GABRR3: variants seen among roughly 807,000 people sequenced by gnomAD.
GABRR3 encodes the protein gamma-aminobutyric acid receptor subunit rho-3.
A neutral mutation model predicts 43.2 loss-of-function variants in GABRR3; 29 were observed. That is an observed-to-expected ratio of 0.67 (90% CI 0.50 to 0.92). The LOEUF is 0.92. Among genes scored for constraint, GABRR3 ranks in the 40% least tolerant of loss-of-function variants. The probability of loss-of-function intolerance (pLI) is 0.00; values close to 1 mark genes in which losing one functional copy is unlikely to be tolerated. For synonymous variants in GABRR3, 206 were observed against 195.9 expected (o/e 1.05, Z -0.43); for missense variants, 576 against 572.3 (o/e 1.01, Z -0.07).
At chr3:98,022,268 C>G (rs958667001) in intron 3 of GABRR3, among the ~76,000 whole-genome samples, 1 of 152,118 alleles carries the variant, frequency 6.6e-6, no homozygotes. Flanking sequence ...ATTTATAACC[C>G]AAGTTAAACA....
At chr3:97,985,846 T>TAC (rs1706378509), downstream of GABRR3, among the ~76,000 whole-genome samples, 1 of 11,798 alleles carries the variant, frequency 8.5e-5, no homozygotes, top group Non-Finnish European at 2.4e-3. Flanking sequence ...AACAATATTT[T>TAC]ATATATATAT....
intron 2 of GABRR3, among the ~76,000 whole-genome samples, chr3:98,027,040 C>G (rs1342475773): frequency 6.6e-6 from 1 of 152,070 alleles, no homozygotes; most frequent in Non-Finnish European, 1.5e-5. Context: ...ACATGTTAAG[C>G]CATTATATCC....
intron 2 of GABRR3, among the ~76,000 whole-genome samples, chr3:98,034,280 C>G (rs1361900440): frequency 6.6e-6 from 1 of 152,096 alleles, no homozygotes; most frequent in Non-Finnish European, 1.5e-5. Flanking sequence ...AAAGAGGTCA[C>G]TCTCACAGAT....
At chr3:98,005,527 T>C (rs184012463) in intron 7 of GABRR3, among the ~76,000 whole-genome samples, 284 of 152,300 alleles carry the variant, frequency 1.9e-3, no homozygotes, top group African/African-American at 6.6e-3. Flanking sequence ...AATGCAAGCA[T>C]CTTTGTAAGC....
intron 2 of GABRR3, among the ~76,000 whole-genome samples, chr3:98,027,848 CCTTT>C (rs959318751): frequency 3.3e-5 from 5 of 151,950 alleles, no homozygotes; most frequent in African/African-American, 1.2e-4. Context: ...ACATATTGTT[CCTTT>C]AAGTGTATCC....
intron 3 of GABRR3, among the ~76,000 whole-genome samples, chr3:98,023,500 T>C (rs1706976569): frequency 6.6e-6 from 1 of 152,096 alleles, no homozygotes; most frequent in Non-Finnish European, 1.5e-5. Context: ...GGGAAATATT[T>C]TAAAGATCTT....
rs539599596 is a variant in GABRR3 at position 98,008,135 on chromosome 3, T to C, written c.614-231A>G. Among the ~76,000 whole-genome samples the C allele has an allele frequency of 5.6e-4, 85 of 152,332 alleles. 1 individual carries two copies. Among genetic ancestry groups the C allele is most frequent in the Non-Finnish European group, 2.1e-4 (14 of 68,028 alleles). On this transcript the variant is annotated intron_variant, in intron 6 of 9. Coordinates refer to ENST00000621172, the Ensembl canonical transcript of GABRR3. ...GATGACTAGTATAGTATGGATCTTG[T>C]GCCCACACAATGAATTGAAACTCCC...
intron 9 of GABRR3, among the ~76,000 whole-genome samples, chr3:97,992,353 T>G (rs1361059082): frequency 6.6e-6 from 1 of 152,134 alleles, no homozygotes; most frequent in African/African-American, 2.4e-5. Flanking sequence ...CAAAGCCTGA[T>G]TCCTCTTCAG....
intron 5 of GABRR3, among the ~76,000 whole-genome samples, chr3:98,010,429 C>T (rs1011567895): frequency 1.3e-5 from 2 of 152,150 alleles, no homozygotes; most frequent in African/African-American, 2.4e-5. Flanking sequence ...GACTGACCAC[C>T]CACATGGCTG....
chr3:98,008,619 G>T (rs1706751252), intron 6 of GABRR3, among the ~76,000 whole-genome samples: 1 of 152,080 alleles, frequency 6.6e-6, no homozygotes, highest in African/African-American at 2.4e-5. Context: ...GAATTCCAGA[G>T]CTTTCCAAAT....
chr3:97,993,484 C>T (rs965627723), intron 8 of GABRR3, among the ~76,000 whole-genome samples: 1 of 152,116 alleles, frequency 6.6e-6, no homozygotes, highest in African/African-American at 2.4e-5. Context: ...ATATTTCATG[C>T]TTCCGGGGAG....
intron 8 of GABRR3, chr3:97,999,570 T>C (rs1354113633): frequency 6.6e-6 from 1 of 151,956 alleles, no homozygotes. Flanking sequence ...GAGTTACTCA[T>C]ACTTAAGGAG....
chr3:98,014,484 TAAGA>T (rs1706850863), intron 4 of GABRR3, among the ~76,000 whole-genome samples: 1 of 152,222 alleles, frequency 6.6e-6, no homozygotes, highest in African/African-American at 2.4e-5. Context: ...TGCCTTTGGG[TAAGA>T]AAGGGGCAAA....
chr3:98,014,056 GCAA>G (rs1442968271), intron 4 of GABRR3, among the ~76,000 whole-genome samples: 1 of 151,976 alleles, frequency 6.6e-6, no homozygotes, highest in Non-Finnish European at 1.5e-5. Flanking sequence ...TAAATGAGAA[GCAA>G]AAACAAATAA....
At chr3:97,999,875 T>C (rs1365001646) in intron 8 of GABRR3, 1 of 152,088 alleles carries the variant, frequency 6.6e-6, no homozygotes, top group African/African-American at 2.4e-5. Context: ...GGATGCCTAA[T>C]AATGTCAAAT....
intron 2 of GABRR3, among the ~76,000 whole-genome samples, chr3:98,030,333 G>A (rs2107252630): frequency 6.6e-6 from 1 of 152,156 alleles, no homozygotes; most frequent in African/African-American, 2.4e-5. Context: ...GTGCAAACTT[G>A]AAAATAAATG....
intron 7 of GABRR3, 70 bp downstream of exon 7, chr3:98,007,694 A>T: frequency 6.4e-7 from 1 of 1,553,392 alleles, no homozygotes; most frequent in Non-Finnish European, 8.8e-7. Context: ...GTCTTTTCGC[A>T]TGTTGTGGTG....
At chr3:98,012,400 A>G (rs1706804646) in exon 5 of GABRR3, 2 of 1,613,934 alleles carry the variant, frequency 1.2e-6, no homozygotes, top group Non-Finnish European at 1.7e-6. Context: ...TATTCTCCAT[A>G]GTTGTATCAT....
intron 2 of GABRR3, among the ~76,000 whole-genome samples, chr3:98,027,477 T>G (rs1268462941): frequency 6.6e-6 from 1 of 152,252 alleles, no homozygotes; most frequent in African/African-American, 2.4e-5. Flanking sequence ...ATGTCACTAA[T>G]GTGTGTGCTC....
Sources: gnomAD v4.1 joint callset for allele counts (sites outside exome capture counted in the v4.1 genomes callset) on GRCh38, gnomAD v4.1.1 for gene constraint, MANE v1.5 for transcripts, NCBI Gene and HGNC (gene_info 2026-07-23, HGNC 2026-07-21) for gene names.